Variants in NBAS observed in about 807,000 individuals in gnomAD.
NBAS encodes NBAS subunit of NRZ tethering complex.
NBAS carries 219 observed loss-of-function variants against 302.5 expected under a neutral mutation model. The observed-to-expected ratio is 0.72, with a 90% CI of 0.65 to 0.81. The LOEUF is 0.81. Ranked by LOEUF, NBAS falls within the 30% of genes least tolerant of loss-of-function variation. The probability of loss-of-function intolerance (pLI) is 0.00; values close to 1 mark genes in which losing one functional copy is unlikely to be tolerated. For missense variants in NBAS, 2,932 were observed against 2,841.6 expected (o/e 1.03, Z -0.72); for synonymous variants, 1,118 against 1,021.6 (o/e 1.09, Z -1.80).
At chr2:15,038,876 A>G in the NBAS span, among the ~76,000 whole-genome samples, 1 of 152,312 alleles carries the variant, frequency 6.6e-6, no homozygotes, top group East Asian at 1.9e-4. Context: ...ATCTTAACCA[A>G]TTACAGATAC....
At chr2:14,891,780 T>C in the NBAS span, among the ~76,000 whole-genome samples, 1 of 152,220 alleles carries the variant, frequency 6.6e-6, no homozygotes, top group Non-Finnish European at 1.5e-5. Context: ...ATGGAAGGCC[T>C]GGGACACTAC....
the NBAS span, among the ~76,000 whole-genome samples, chr2:15,004,065 G>T: frequency 6.6e-6 from 1 of 152,192 alleles, no homozygotes; most frequent in African/African-American, 2.4e-5. Context: ...ACATTTAAGA[G>T]TGTGTCTCAG....
intron 48 of NBAS, among the ~76,000 whole-genome samples, chr2:15,193,469 G>A (rs1014140951): frequency 6.6e-6 from 1 of 152,080 alleles, no homozygotes; most frequent in South Asian, 2.1e-4. Flanking sequence ...GAAATACTTG[G>A]TTTGATAATT....
Position 15,345,528 on chromosome 2 carries a change from T to C in NBAS, c.4179+6464A>G, listed in dbSNP as rs190389401. The stretch of plus-strand genomic sequence containing the variant: ...GGACACAAACAAATGGAAAACTATT[T>C]CCATGCTCATGGATAGGAAGAATCA... On this transcript the variant is annotated intron_variant, in intron 35 of 51. Coordinates refer to ENST00000281513, the MANE Select transcript of NBAS (RefSeq NM_015909.4). Among the ~76,000 whole-genome samples the C allele has an allele frequency of 6.4e-3, 972 of 152,314 alleles. 10 individuals are homozygous for C. Among genetic ancestry groups the C allele is most frequent in the African/African-American group, 0.023 (937 of 41,554 alleles).
At chr2:15,011,728 C>T in the NBAS span, among the ~76,000 whole-genome samples, 58 of 152,272 alleles carry the variant, frequency 3.8e-4, no homozygotes, top group African/African-American at 1.3e-3. Flanking sequence ...ACCAAGAAAG[C>T]CCAACCCCAG....
At chr2:15,518,811 C>T (rs1233432131) in intron 9 of NBAS, among the ~76,000 whole-genome samples, 1 of 152,026 alleles carries the variant, frequency 6.6e-6, no homozygotes, top group African/African-American at 2.4e-5. Context: ...GAGCAAGGCA[C>T]ATCTTATGTG....
intron 38 of NBAS, among the ~76,000 whole-genome samples, chr2:15,316,272 G>C (rs535038964): frequency 6.6e-6 from 1 of 152,290 alleles, no homozygotes; most frequent in Non-Finnish European, 1.5e-5. Context: ...AGCCAAATAG[G>C]AACAGCTCCG....
chr2:15,236,510 A>AGAGT (rs1306479684), intron 45 of NBAS, among the ~76,000 whole-genome samples: 13 of 136,466 alleles, frequency 9.5e-5, no homozygotes, highest in Admixed American at 7.9e-4. Context: ...CCTGGGCAAC[A>AGAGT]GAGTGAGACC....
the NBAS span, among the ~76,000 whole-genome samples, chr2:15,106,472 TCTC>T: frequency 6.6e-6 from 1 of 151,706 alleles, no homozygotes; most frequent in Non-Finnish European, 1.5e-5. Context: ...TCTCTCTCTC[TCTC>T]TCTCACTCTC....
At chr2:15,383,420 C>T (rs1038253933) in intron 28 of NBAS, 103 bp from the exon 29 acceptor site, 1 of 879,070 alleles carries the variant, frequency 1.1e-6, no homozygotes, top group Non-Finnish European at 1.9e-6. Context: ...GGTACCACCA[C>T]TCTATATCCA....
At chr2:14,797,408 AGTG>A in the NBAS span, among the ~76,000 whole-genome samples, 1 of 152,194 alleles carries the variant, frequency 6.6e-6, no homozygotes, top group Non-Finnish European at 1.5e-5. Flanking sequence ...CATGATGGCA[AGTG>A]GTGGTGGGGC....
At position 15,361,754 on chromosome 2, in the gene NBAS, G is replaced by A. The variant is rs1359359960; in HGVS notation, c.3817+4826C>T. On this transcript the variant is annotated intron_variant, in intron 32 of 51. Coordinates refer to ENST00000281513, the MANE Select transcript of NBAS (RefSeq NM_015909.4). Reference sequence around the variant, plus strand: ...AGCACTTTGGGAGGCTGAGGCAGGCGGATCACCTGAGGTCAGGAGTTCAAG... The same window carrying A: ...AGCACTTTGGGAGGCTGAGGCAGGCAGATCACCTGAGGTCAGGAGTTCAAG... 5.3e-5 allele frequency among the ~76,000 whole-genome samples: 8 copies of A among 152,044 alleles called. 1 individual carries two copies. Among genetic ancestry groups the A allele is most frequent in the African/African-American group, 1.7e-4 (7 of 41,512 alleles).
At chr2:15,538,316 G>A in intron 7 of NBAS, 5 of 469,550 alleles carry the variant, frequency 1.1e-5, no homozygotes, top group Non-Finnish European at 1.7e-5. Context: ...TCCTTATTTT[G>A]GCTAAGATTC....
the NBAS span, among the ~76,000 whole-genome samples, chr2:15,049,010 G>A: frequency 1.3e-5 from 2 of 152,242 alleles, no homozygotes; most frequent in Non-Finnish European, 2.9e-5. Flanking sequence ...CACCTACATT[G>A]AATCTCCAAG....
At chr2:15,034,016 AAGAAGAAGAAGAGGAGGAGGAAGG>A in the NBAS span, among the ~76,000 whole-genome samples, 19 of 46,736 alleles carry the variant, frequency 4.1e-4, no homozygotes, top group Non-Finnish European at 5.3e-4. Flanking sequence ...GAAGAAGAAG[AAGAAGAAGAAGAGGAGGAGGAAGG>A]AGGAGGAGGA....
chr2:15,435,127 T>C (rs1572844798), intron 21 of NBAS, among the ~76,000 whole-genome samples: 1 of 152,228 alleles, frequency 6.6e-6, no homozygotes, highest in Non-Finnish European at 1.5e-5. Context: ...TATTCATGAA[T>C]TGTATCAGTG....
chr2:15,219,513 A>C lies in NBAS; in HGVS notation c.6237-545T>G, dbSNP rs571545879. 6.0e-5 allele frequency among the ~76,000 whole-genome samples: 8 copies of C among 133,848 alleles called. 1 individual carries two copies. In the South Asian group the frequency reaches 2.1e-3, roughly 36 times the overall value. The allele number at this position is 133,848 out of a possible 152,430, so 87.8% of individuals were successfully genotyped here. On this transcript the variant is annotated intron_variant, in intron 47 of 51. Coordinates refer to ENST00000281513, the MANE Select transcript of NBAS (RefSeq NM_015909.4). ...TGTCCCTGGGTACTTAAGATTAGGG[A>C]GTGGTGATGACTCTTAACGAGCATG...
chr2:14,863,461 C>T, the NBAS span, among the ~76,000 whole-genome samples: 54 of 152,196 alleles, frequency 3.5e-4, no homozygotes, highest in African/African-American at 1.3e-3. Context: ...ATCCATTGTC[C>T]AGGAGAAGAA....
chr2:15,368,738 C>T (rs576412791), intron 31 of NBAS, among the ~76,000 whole-genome samples: 1 of 152,288 alleles, frequency 6.6e-6, no homozygotes, highest in East Asian at 1.9e-4. Flanking sequence ...CCTGTGACAT[C>T]TACAGGCAAT....
Sources: allele counts gnomAD v4.1 joint callset (sites outside exome capture counted in the v4.1 genomes callset), GRCh38; gene constraint gnomAD v4.1.1; transcripts MANE v1.5; gene names NCBI Gene and HGNC (gene_info 2026-07-23, HGNC 2026-07-21).